Variants in UBR1 observed in about 807,000 individuals in gnomAD.
The protein encoded by UBR1 is ubiquitin protein ligase E3 component n-recognin 1.
A neutral mutation model predicts 242.1 loss-of-function variants in UBR1; 102 were observed. That is an observed-to-expected ratio of 0.42 (90% CI 0.36 to 0.50). UBR1 has a LOEUF of 0.50. Among genes scored for constraint, UBR1 ranks in the 20% least tolerant of loss-of-function variants. UBR1 has a pLI of 0.01. For missense variants in UBR1, 1,772 were observed against 2,101.8 expected (o/e 0.84, Z 3.07); for synonymous variants, 675 against 684.8 (o/e 0.99, Z 0.22).
chr15:42,964,775 T>G (rs2032078322), intron 41 of UBR1, among the ~76,000 whole-genome samples: 1 of 152,206 alleles, frequency 6.6e-6, no homozygotes, highest in South Asian at 2.1e-4. Flanking sequence ...TTATAACTTC[T>G]TCTATTTAGG....
At chr15:43,059,949 C>T in intron 7 of UBR1, 103 bp downstream of exon 7, 10 of 1,550,548 alleles carry the variant, frequency 6.4e-6, no homozygotes, top group Non-Finnish European at 8.9e-6. Context: ...TCTAGGTGCC[C>T]CAAACCACTT....
chr15:42,952,746 G>A (rs2031855188), intron 44 of UBR1, among the ~76,000 whole-genome samples: 1 of 152,136 alleles, frequency 6.6e-6, no homozygotes, highest in Non-Finnish European at 1.5e-5. Context: ...GAGATTCACT[G>A]ATAGACTCCA....
intron 25 of UBR1, among the ~76,000 whole-genome samples, chr15:43,024,304 A>G (rs2033150301): frequency 6.6e-6 from 1 of 152,240 alleles, no homozygotes; most frequent in Non-Finnish European, 1.5e-5. Context: ...TGGTGTTACA[A>G]CTACCATGAC....
At chr15:42,973,564 G>A (rs530840986) in intron 39 of UBR1, among the ~76,000 whole-genome samples, 8 of 152,116 alleles carry the variant, frequency 5.3e-5, no homozygotes, top group Non-Finnish European at 8.8e-5. Flanking sequence ...AAAGGGCTGG[G>A]ATTACAGGCA....
rs1286553773 is a variant in UBR1, at chr15:43,026,630, T to G, written c.2466A>C (p.Glu822Asp). Reference protein sequence around the residue: ...KPGVSGHGVYELKDESLKDFN... With the variant: ...KPGVSGHGVYDLKDESLKDFN... ...AGTCTTTCAGTGATTCATCTTTTAG[T>G]TCATAAACTCCATGGCCTGATACAC... Residue 822 changes from glutamate (E) to aspartate (D), a missense_variant, in exon 23 of 47, where the codon GAA becomes GAC. Around this residue, in one of 3 missense-constraint regions of UBR1, gnomAD observed 73 missense variants for 128.9 expected, o/e 0.57. Coordinates refer to ENST00000290650, the MANE Select transcript of UBR1 (RefSeq NM_174916.3). The G allele has an allele frequency of 6.2e-7, 1 of 1,613,182 alleles. No homozygotes were observed. Among genetic ancestry groups the G allele is most frequent in the Admixed American group, 1.7e-5 (1 of 60,006 alleles).
At chr15:43,084,293 T>C (rs1434533968) in intron 2 of UBR1, among the ~76,000 whole-genome samples, 2 of 152,138 alleles carry the variant, frequency 1.3e-5, no homozygotes, top group South Asian at 2.1e-4. Context: ...TCATCCCCAG[T>C]TGTAACAACT....
intron 40 of UBR1, among the ~76,000 whole-genome samples, chr15:42,967,137 C>T (rs996016184): frequency 1.3e-5 from 2 of 150,822 alleles, no homozygotes; most frequent in East Asian, 1.9e-4. Flanking sequence ...AGGATGGTTT[C>T]GAACTCCTGA....
At chr15:43,013,059 C>T (rs1262686559) in intron 29 of UBR1, among the ~76,000 whole-genome samples, 4 of 152,174 alleles carry the variant, frequency 2.6e-5, no homozygotes, top group Admixed American at 2.6e-4. Flanking sequence ...GCACGCGTCA[C>T]CACACCCGGC....
rs753526723 is a variant in UBR1, at chr15:43,047,147, C to T, written c.1668+14G>A. The T allele has an allele frequency of 2.5e-6, 4 of 1,614,042 alleles. No homozygotes were observed. The South Asian group carries it at 4.4e-5, about 18-fold the overall frequency. ...CTTAAAAAGGCACTGATCCTACTAACAAATTTTACTTACATCACAAGCACA... is the reference window on the plus strand; with the variant it reads ...CTTAAAAAGGCACTGATCCTACTAATAAATTTTACTTACATCACAAGCACA... On this transcript the variant is annotated intron_variant, in intron 14 of 46. Transcript: ENST00000290650.
chr15:42,979,656 T>A (rs554148180), intron 37 of UBR1, among the ~76,000 whole-genome samples: 1 of 152,252 alleles, frequency 6.6e-6, no homozygotes, highest in African/African-American at 2.4e-5. Context: ...GTTCAAGCAA[T>A]CCTCCTGCCT....
At chr15:43,075,744 T>C (rs1429207364) in intron 3 of UBR1, among the ~76,000 whole-genome samples, 2 of 151,856 alleles carry the variant, frequency 1.3e-5, no homozygotes, top group Non-Finnish European at 2.9e-5. Flanking sequence ...GCCTCCCAAG[T>C]AGCTGGGACT....
intron 29 of UBR1, among the ~76,000 whole-genome samples, chr15:43,012,458 A>G (rs1401763703): frequency 6.6e-6 from 1 of 152,236 alleles, no homozygotes; most frequent in Admixed American, 6.5e-5. Flanking sequence ...GAGAAAGATC[A>G]GTAATGCAGA....
At chr15:43,078,288 C>G (rs1284092056) in intron 3 of UBR1, among the ~76,000 whole-genome samples, 1 of 151,966 alleles carries the variant, frequency 6.6e-6, no homozygotes, top group Non-Finnish European at 1.5e-5. Context: ...GAGTGGAAAC[C>G]CCTAAAGATG....
intron 6 of UBR1, among the ~76,000 whole-genome samples, chr15:43,067,327 T>C (rs553242913): frequency 8.5e-5 from 13 of 152,324 alleles, no homozygotes; most frequent in African/African-American, 3.1e-4. Context: ...AATTCTATAT[T>C]AAACCATGCG....
At chr15:43,047,095 A>G (rs1017084319) in intron 14 of UBR1, 66 bp downstream of exon 14, 44 of 1,579,784 alleles carry the variant, frequency 2.8e-5, no homozygotes, top group South Asian at 2.7e-4. Flanking sequence ...TGCAACATAA[A>G]ACTATACTAT....
In UBR1 at chr15:43,075,108, GTT is replaced by G. The variant is rs775101175; in HGVS notation, c.418-21_418-20del. 3 of 1,571,042 alleles carry G rather than the reference GTT, an allele frequency of 1.9e-6. No homozygotes were observed. The South Asian group carries it at 3.3e-5, about 17-fold the overall frequency. On this transcript the variant is annotated intron_variant, in intron 3 of 46. Transcript: ENST00000290650. Reference sequence around the variant, plus strand: ...TATGCATCTGATAAAGGAAAAATGAGTTTGTCTTGATTTCAAACATTTTACTA... The same window carrying G: ...TATGCATCTGATAAAGGAAAAATGAGTGTCTTGATTTCAAACATTTTACTA...
chr15:43,064,421 A>T (rs975769207), intron 6 of UBR1, among the ~76,000 whole-genome samples: 1 of 152,160 alleles, frequency 6.6e-6, no homozygotes, highest in African/African-American at 2.4e-5. Context: ...AACAGGAAAA[A>T]AATTTTTCTA....
chr15:43,083,679 G>A (rs1350251616), intron 2 of UBR1, among the ~76,000 whole-genome samples: 1 of 151,948 alleles, frequency 6.6e-6, no homozygotes, highest in African/African-American at 2.4e-5. Context: ...TCTGCACCTG[G>A]CCAGGATTAA....
At chr15:43,101,653 A>G (rs982260027) in intron 1 of UBR1, among the ~76,000 whole-genome samples, 1 of 152,012 alleles carries the variant, frequency 6.6e-6, no homozygotes, top group African/African-American at 2.4e-5. Context: ...AATATGGTGA[A>G]ACCCCACCTC....
Sources: gnomAD v4.1 joint callset for allele counts (sites outside exome capture counted in the v4.1 genomes callset) on GRCh38, gnomAD v4.1.1 for gene constraint, gnomAD v4.1.1 regional missense constraint, MANE v1.5 for transcripts, NCBI Gene and HGNC (gene_info 2026-07-23, HGNC 2026-07-21) for gene names.